The following RIN1 variants were observed in gnomAD, a reference collection of about 807,000 sequenced individuals.
RIN1 encodes Ras and Rab interactor 1.
Under a neutral mutation model 64.9 loss-of-function variants are expected in RIN1, and 52 were observed. The ratio of observed to expected loss-of-function variants is 0.80; its 90% CI spans 0.64 to 1.01. The LOEUF is 1.01. Among genes scored for constraint, RIN1 ranks in the 50% least tolerant of loss-of-function variants. The pLI is 0.00. For missense variants in RIN1, 1,040 were observed against 1,064.5 expected, an observed-to-expected ratio of 0.98 and a Z score of 0.32; for synonymous variants, 486 against 483.6, an observed-to-expected ratio of 1.00 and a Z score of -0.06.
At chr11:66,332,914 G>A (rs1007176767) in intron 9 of RIN1, 162 bp from the exon 10 acceptor site, 7 of 641,556 alleles carry the variant, frequency 1.1e-5, no homozygotes, top group South Asian at 6.2e-5. Context: ...TCCAGGGGTC[G>A]GCTTGTGGGC....
chr11:66,336,104 G>A lies in RIN1; in HGVS notation c.141C>T (p.Gly47=), dbSNP rs765721476. ...CAACGCGCCCCGGCCGCTGCGGCCC[G>A]CCTGCCTGCCCGCCGCTGGCATTGG... ...DVPNASGGQA[G]GPQRPGRVVS... Residue 47 remains glycine, a synonymous_variant, in exon 2 of 10, where the codon GGC becomes GGT. Transcript: ENST00000311320. 3.0e-5 allele frequency: 44 copies of A among 1,443,696 alleles called. No homozygotes were observed. The highest frequency in any genetic ancestry group is 2.4e-4 in the Middle Eastern group (1 of 4,150). The allele number at this position is 1,443,696 out of a possible 1,614,324, so 89.4% of individuals were successfully genotyped here. A position where few individuals can be genotyped will look rare whatever the true frequency, so the allele number is the denominator to read the frequency against.
intron 5 of RIN1, 21 bp from the exon 6 acceptor site, chr11:66,335,272 T>G (rs1854854629): frequency 6.4e-7 from 1 of 1,565,986 alleles, no homozygotes; most frequent in Non-Finnish European, 8.6e-7. Context: ...AGAAACCGAC[T>G]GGGGCCTCCG....
rs1042034959 is a variant in RIN1 at position 66,334,156 on chromosome 11, G to A, written c.1354C>T (p.Leu452=). 113 of 1,540,890 alleles carry A rather than the reference G, an allele frequency of 7.3e-5. No individual in the cohort carries two copies. Among genetic ancestry groups the A allele is most frequent in the Non-Finnish European group, 9.5e-5 (109 of 1,147,932 alleles). ...CCGTCTGCGGCAAGCCGGCGCCGCAGGCGGGCTGCCAGGATGGGCCGGAGA... is the reference window on the plus strand; with the variant it reads ...CCGTCTGCGGCAAGCCGGCGCCGCAAGCGGGCTGCCAGGATGGGCCGGAGA... ...KPLRPILAAR[L]RRRLAADGSL... Residue 452 remains leucine (L), a synonymous_variant, in exon 7 of 10, where the codon CTG becomes TTG. Transcript: ENST00000311320.
In RIN1 at chr11:66,334,644, G is replaced by A. The variant is rs369956897; in HGVS notation, c.1155C>T (p.Asp385=). The change falls in exon 6 of 10, where the codon GAC becomes GAT. Residue 385 remains aspartate, a synonymous_variant. Transcript: ENST00000311320. ...GCCCAGCCCGCACCTGGGTCAGTAGGTCCTGCACCAGCTGGCCCGCGGCTG... is the reference window on the plus strand; with the variant it reads ...GCCCAGCCCGCACCTGGGTCAGTAGATCCTGCACCAGCTGGCCCGCGGCTG... The part of the protein sequence containing the change: ...RHTAAGQLVQ[D]LLTQVRAGPE... 2.5e-4 allele frequency: 386 copies of A among 1,573,734 alleles called. 1 individual carries two copies. The highest frequency in any genetic ancestry group is 9.2e-5 in the Non-Finnish European group (107 of 1,162,226).
chr11:66,334,745 C>A lies in RIN1; in HGVS notation c.1054G>T (p.Ala352Ser), dbSNP rs757128066. 2.6e-6 allele frequency: 4 copies of A among 1,549,332 alleles called. No homozygotes were observed. Among genetic ancestry groups the A allele is most frequent in the Middle Eastern group, 2.2e-4 (1 of 4,482 alleles). The change falls in exon 6 of 10, where the codon GCC (alanine) becomes TCC (serine). Residue 352 changes from alanine (A) to serine (S), a missense_variant. Physicochemically the swap from Ala to Ser is moderately conservative, Grantham distance 99. Coordinates refer to ENST00000311320, the MANE Select transcript of RIN1 (RefSeq NM_004292.3). ...RRRPLLRSMS[A>S]AFCSLLAPER... The stretch of plus-strand genomic sequence containing the variant: ...GGTGCCAGTAGGGAGCAGAAGGCGG[C>A]GCTCATGGACCGAAGCAGAGGTCGT...
upstream of RIN1, chr11:66,336,497 G>T: frequency 9.5e-7 from 1 of 1,047,440 alleles, no homozygotes; most frequent in Non-Finnish European, 1.4e-6. Context: ...CGGTCCGCCT[G>T]TCACACCCGC....
intron 9 of RIN1, 112 bp downstream of exon 9, chr11:66,333,146 C>T: frequency 2.2e-6 from 3 of 1,340,920 alleles, no homozygotes; most frequent in Non-Finnish European, 3.1e-6. Context: ...AGTGGCAGAG[C>T]CAGGATTAGA....
rs1395019763 is a variant in RIN1 at position 66,333,958 on chromosome 11, C to T, written c.1552G>A (p.Ala518Thr). The change falls in exon 7 of 10, where the codon GCC (alanine) becomes ACC (threonine). Residue 518 changes from alanine (A) to threonine (T), a missense_variant. Transcript: ENST00000311320. Reference protein sequence around the residue: ...PSAQVKRLLQACKLLYMALRT... With the variant: ...PSAQVKRLLQTCKLLYMALRT... Reference sequence around the variant, plus strand: ...AGGGCCATGTAGAGCAGCTTGCAGGCCTGCAGGAGCCGCTTGACCTGGGCG... The same window carrying T: ...AGGGCCATGTAGAGCAGCTTGCAGGTCTGCAGGAGCCGCTTGACCTGGGCG... The T allele has an allele frequency of 1.3e-6, 2 of 1,555,578 alleles. No individual in the cohort carries two copies. Among genetic ancestry groups the T allele is most frequent in the East Asian group, 4.7e-5 (2 of 42,162 alleles).
chr11:66,333,166 C>A, intron 9 of RIN1, 92 bp downstream of exon 9: 1 of 1,475,196 alleles, frequency 6.8e-7, no homozygotes, highest in Non-Finnish European at 9.3e-7. Flanking sequence ...AACCCAGGAT[C>A]TGTCTACAGA....
At position 66,331,212 on chromosome 11, in the gene RIN1, T is replaced by TG. The variant is rs1165120356; in HGVS notation, c.*1063dup. ...CTTCCTTGGGGGCTGCCCCGGCCTT[T>TG]GTGGGTGGCTTAGAATGGAGGGTGG... On this transcript the variant is annotated 3_prime_UTR_variant, in exon 10 of 10. Transcript: ENST00000311320. The TG allele has an allele frequency of 6.6e-6, 1 of 152,486 alleles. No individual in the cohort carries two copies. Among genetic ancestry groups the TG allele is most frequent in the Non-Finnish European group, 1.5e-5 (1 of 68,206 alleles). The allele number at this position is 152,486 out of a possible 1,614,324, so 9.4% of individuals were successfully genotyped here.
rs1402952973 is a variant in RIN1 at position 66,330,888 on chromosome 11, G to A, written c.*1388C>T. ...CTCAGTGCCCGAGGAGAGAGCCTCTGGGGTCATCCTCCATAAGGGGACAAT... is the reference window on the plus strand; with the variant it reads ...CTCAGTGCCCGAGGAGAGAGCCTCTAGGGTCATCCTCCATAAGGGGACAAT... On this transcript the variant is annotated 3_prime_UTR_variant, in exon 10 of 10. Transcript: ENST00000311320. The A allele has an allele frequency of 6.6e-6, 1 of 152,306 alleles. No individual in the cohort carries two copies. Among genetic ancestry groups the A allele is most frequent in the Non-Finnish European group, 1.5e-5 (1 of 68,094 alleles). The allele number at this position is 152,306 out of a possible 1,614,324, so 9.4% of individuals were successfully genotyped here. A position where few individuals can be genotyped will look rare whatever the true frequency, so the allele number is the denominator to read the frequency against.
chr11:66,335,605 C>A lies in RIN1; in HGVS notation c.455+5G>T. ...GGACACCAGGCACCCTGCGGGCAGA[C>A]TCACCGGGTGTGGCAGTAGGCACAG... On this transcript the variant is annotated splice_donor_5th_base_variant and intron_variant, in intron 4 of 9. Transcript: ENST00000311320. The A allele has an allele frequency of 6.2e-7, 1 of 1,613,684 alleles. No homozygotes were observed. Among genetic ancestry groups the A allele is most frequent in the Non-Finnish European group, 8.5e-7 (1 of 1,179,844 alleles).
In RIN1 at chr11:66,334,757, G is replaced by T. The variant is rs995530676; in HGVS notation, c.1042C>A (p.Arg348=). ...GAGCAGAAGGCGGCGCTCATGGACC[G>T]AAGCAGAGGTCGTCGGCGGCCCAGG... ...PHLGRRRPLL[R]SMSAAFCSLL... The change falls in exon 6 of 10, where the codon CGG becomes AGG. Residue 348 remains arginine (R), a synonymous_variant. Transcript: ENST00000311320. 1.9e-6 allele frequency: 3 copies of T among 1,549,162 alleles called. No individual in the cohort carries two copies. The highest frequency in any genetic ancestry group is 2.7e-5 in the African/African-American group (2 of 73,054).
chr11:66,336,295 C>A, intron 1 of RIN1, 22 bp downstream of exon 1: 1 of 1,594,780 alleles, frequency 6.3e-7, no homozygotes, highest in Non-Finnish European at 8.5e-7. Context: ...CCCCACCTGG[C>A]TGCCCTGCCA....
intron 8 of RIN1, 26 bp from the exon 9 acceptor site, chr11:66,333,435 G>A (rs1006487028): frequency 6.2e-7 from 1 of 1,604,254 alleles, no homozygotes; most frequent in South Asian, 1.1e-5. Flanking sequence ...GAAGAACACG[G>A]CTCAGGCTGG....
chr11:66,332,420 A>C lies in RIN1; in HGVS notation c.2208T>G (p.Asp736Glu). ...SRGEEQGCQG[D>E]GDAGVKASPR... is the part of the protein sequence containing the mutation. Reference sequence around the variant, plus strand: ...GGCTGGCTTTGACCCCAGCATCCCCATCTCCCTGGCACCCTTGCTCCTCCC... The same window carrying C: ...GGCTGGCTTTGACCCCAGCATCCCCCTCTCCCTGGCACCCTTGCTCCTCCC... The change falls in exon 10 of 10, where the codon GAT (aspartate) becomes GAG (glutamate). Residue 736 changes from aspartate to glutamate, a missense_variant. Physicochemically the swap from Asp to Glu is conservative, Grantham distance 45. Coordinates refer to ENST00000311320, the MANE Select transcript of RIN1 (RefSeq NM_004292.3). 6.2e-7 allele frequency: 1 copy of C among 1,614,022 alleles called. No individual in the cohort carries two copies. The highest frequency in any genetic ancestry group is 8.5e-7 in the Non-Finnish European group (1 of 1,179,994).
At position 66,336,015 on chromosome 11, in the gene RIN1, G is replaced by A. The variant is rs761354682; in HGVS notation, c.230C>T (p.Ala77Val). Reference sequence around the variant, plus strand: ...GGTCCTCAGCATGTGCAGTGCGGCCGCTGCGTTGGCTTGCAGCTGCAGCCA... The same window carrying A: ...GGTCCTCAGCATGTGCAGTGCGGCCACTGCGTTGGCTTGCAGCTGCAGCCA... ...PVWLQLQANA[A>V]AALHMLRTEP... is the part of the protein sequence containing the mutation. Residue 77 changes from alanine to valine, a missense_variant, in exon 2 of 10, where the codon GCG becomes GTG. By Grantham distance (64) the Ala-to-Val change is moderately conservative (BLOSUM62 0). Transcript: ENST00000311320. 1.5e-5 allele frequency: 22 copies of A among 1,465,844 alleles called. No homozygotes were observed. Among genetic ancestry groups the A allele is most frequent in the African/African-American group, 5.6e-5 (4 of 70,900 alleles). 90.8% of individuals were successfully genotyped at this position (1,465,844 alleles called of 1,614,324 possible).
Position 66,333,907 on chromosome 11 carries a change from GCAGGGA to G in RIN1, c.1591+6_1591+11del, listed in dbSNP as rs1469789449. On this transcript the variant is annotated splice_donor_region_variant and intron_variant, in intron 7 of 9. Coordinates refer to ENST00000311320, the MANE Select transcript of RIN1 (RefSeq NM_004292.3). ...AGGGGCAGGGCAGGGTGAGGTGGTG[GCAGGGA>G]CATACCTTCCTGGGTCCTCAGGGCC... The G allele has an allele frequency of 1.0e-5, 15 of 1,506,526 alleles. No homozygotes were observed. Among genetic ancestry groups the G allele is most frequent in the Non-Finnish European group, 1.3e-5 (15 of 1,126,138 alleles). The allele number at this position is 1,506,526 out of a possible 1,614,324, so 93.3% of individuals were successfully genotyped here.
At position 66,335,028 on chromosome 11, in the gene RIN1, CAG is replaced by C. The variant is rs769462272; in HGVS notation, c.769_770del (p.Leu257ValfsTer47). On this transcript the variant is annotated frameshift_variant, in exon 6 of 10. Coordinates refer to ENST00000311320, the MANE Select transcript of RIN1 (RefSeq NM_004292.3). LOFTEE classifies it high-confidence loss of function. ...GGGGAGGTGGCACGGCAGGTGGAGACAGGGGGCTGGAGGTCTCTGTGGACACG... is the reference window on the plus strand; with the variant it reads ...GGGGAGGTGGCACGGCAGGTGGAGACGGGGCTGGAGGTCTCTGTGGACACG... ...VRVSTETSSP[L>X]SPPAVPPPPV... is the part of the protein sequence containing the mutation. 1.2e-5 allele frequency: 18 copies of C among 1,535,892 alleles called. No homozygotes were observed. The highest frequency in any genetic ancestry group is 8.3e-5 in the African/African-American group (6 of 72,244).
Sources: allele counts gnomAD v4.1 joint callset, GRCh38; gene constraint gnomAD v4.1.1; transcripts MANE v1.5; gene names NCBI Gene and HGNC (gene_info 2026-07-23, HGNC 2026-07-21).